Variants in CNTNAP2 observed in about 807,000 individuals in gnomAD.
CNTNAP2 encodes contactin-associated protein-like 2.
In CNTNAP2, 98 loss-of-function variants were observed where a neutral mutation model predicts 155.2. That is an observed-to-expected ratio of 0.63 (90% CI 0.54 to 0.75). CNTNAP2 has a LOEUF of 0.75. Among genes scored for constraint, CNTNAP2 ranks in the 30% least tolerant of loss-of-function variants. CNTNAP2 has a pLI of 0.00. For missense variants in CNTNAP2, 1,727 were observed against 1,688.1 expected, an observed-to-expected ratio of 1.02 and a Z score of -0.40; for synonymous variants, 651 against 631.2, an observed-to-expected ratio of 1.03 and a Z score of -0.47.
chr7:148,218,936 CTTTTTTT>C (rs746349465), intron 19 of CNTNAP2, among the ~76,000 whole-genome samples: 3 of 73,630 alleles, frequency 4.1e-5, no homozygotes, highest in South Asian at 5.2e-4. Flanking sequence ...TAAGATCACT[CTTTTTTT>C]TTTTTTTTTT....
chr7:147,924,427 C>G (rs1482825678), intron 14 of CNTNAP2, among the ~76,000 whole-genome samples: 1 of 152,130 alleles, frequency 6.6e-6, no homozygotes, highest in Non-Finnish European at 1.5e-5. Context: ...GTGTCAGCCA[C>G]CATGCAAGCC....
intron 1 of CNTNAP2, among the ~76,000 whole-genome samples, chr7:146,506,841 A>T (rs1797391686): frequency 6.6e-6 from 1 of 152,212 alleles, no homozygotes; most frequent in Non-Finnish European, 1.5e-5. Flanking sequence ...GGACCATGAC[A>T]GCAGTCCAGG....
chr7:147,141,594 C>T (rs1801599109), intron 8 of CNTNAP2, among the ~76,000 whole-genome samples: 1 of 152,046 alleles, frequency 6.6e-6, no homozygotes, highest in Non-Finnish European at 1.5e-5. Flanking sequence ...CACCAGGGCC[C>T]CTTTCAGCTA....
chr7:147,901,635 C>T (rs1799869808), intron 13 of CNTNAP2, among the ~76,000 whole-genome samples: 1 of 152,174 alleles, frequency 6.6e-6, no homozygotes, highest in South Asian at 2.1e-4. Context: ...TCTCTTATGT[C>T]CTTATTGATC....
At chr7:146,403,132 G>T (rs996810356) in intron 1 of CNTNAP2, among the ~76,000 whole-genome samples, 7 of 151,570 alleles carry the variant, frequency 4.6e-5, no homozygotes, top group Non-Finnish European at 1.0e-4. Flanking sequence ...TTTTGGTAAG[G>T]GTGTGGCTAT....
At chr7:147,331,872 C>T (rs1584879318) in intron 9 of CNTNAP2, among the ~76,000 whole-genome samples, 2 of 152,192 alleles carry the variant, frequency 1.3e-5, no homozygotes, top group Non-Finnish European at 1.5e-5. Context: ...AGTATCCTCA[C>T]TCAGGAGTGA....
At chr7:147,588,749 A>G (rs1800681970) in intron 12 of CNTNAP2, among the ~76,000 whole-genome samples, 1 of 152,190 alleles carries the variant, frequency 6.6e-6, no homozygotes, top group South Asian at 2.1e-4. Context: ...CATTTATAGG[A>G]ATTATGGTAT....
chr7:147,030,871 A>G (rs1799019184), intron 3 of CNTNAP2, among the ~76,000 whole-genome samples: 1 of 152,136 alleles, frequency 6.6e-6, no homozygotes. Flanking sequence ...GCTACAGCGC[A>G]AGACCCTGCC....
At chr7:148,257,302 G>A (rs188932258) in intron 20 of CNTNAP2, among the ~76,000 whole-genome samples, 4 of 152,296 alleles carry the variant, frequency 2.6e-5, no homozygotes, top group Admixed American at 2.0e-4. Flanking sequence ...AAAGGCATCC[G>A]CCGTGAAACA....
At chr7:146,746,611 A>T (rs1368001306) in intron 1 of CNTNAP2, among the ~76,000 whole-genome samples, 1 of 152,146 alleles carries the variant, frequency 6.6e-6, no homozygotes, top group African/African-American at 2.4e-5. Flanking sequence ...TTACCAATCA[A>T]ATATGACAAT....
At position 147,132,461 on chromosome 7, in the gene CNTNAP2, C is replaced by T. The variant is rs1186551916; in HGVS notation, c.1300C>T (p.His434Tyr). 3.1e-6 allele frequency: 5 copies of T among 1,613,532 alleles called. 1 individual carries two copies. Among genetic ancestry groups the T allele is most frequent in the African/African-American group, 1.3e-5 (1 of 74,876 alleles). Residue 434 changes from histidine to tyrosine, a missense_variant, in exon 8 of 24, where the codon CAC becomes TAC. Physicochemically the swap from His to Tyr is moderately conservative, Grantham distance 83 (BLOSUM62 2). Coordinates refer to ENST00000361727, the MANE Select transcript of CNTNAP2 (RefSeq NM_014141.6). ...CCTCACTGAAAGCAAAGTGGGTGTT[C>T]ACATCAACATCACACAGACCAAGAT... Reference protein sequence around the residue: ...IDLTESKVGVHINITQTKMSQ... With the variant: ...IDLTESKVGVYINITQTKMSQ...
At chr7:148,354,810 C>T (rs888057116) in intron 21 of CNTNAP2, among the ~76,000 whole-genome samples, 1 of 152,062 alleles carries the variant, frequency 6.6e-6, no homozygotes, top group African/African-American at 2.4e-5. Flanking sequence ...GCCCACCTGG[C>T]TAGCAAGAAC....
chr7:147,104,640 A>G (rs1404588467), intron 4 of CNTNAP2, among the ~76,000 whole-genome samples: 1 of 151,298 alleles, frequency 6.6e-6, no homozygotes, highest in African/African-American at 2.4e-5. Context: ...ATATTTACAT[A>G]CTTTTTAATT....
chr7:147,591,286 T>C (rs1248628422), intron 12 of CNTNAP2, among the ~76,000 whole-genome samples: 1 of 152,186 alleles, frequency 6.6e-6, no homozygotes, highest in Non-Finnish European at 1.5e-5. Context: ...AAGGTGTCTG[T>C]AGGTTTATTT....
intron 1 of CNTNAP2, among the ~76,000 whole-genome samples, chr7:146,198,692 G>T (rs896108632): frequency 1.3e-5 from 2 of 151,906 alleles, no homozygotes; most frequent in Non-Finnish European, 2.9e-5. Context: ...CTGCAATGTT[G>T]TCAAATTTGA....
At chr7:147,038,604 T>TGTTTGTTTTCTTTTC (rs1799202195) in intron 3 of CNTNAP2, among the ~76,000 whole-genome samples, 1 of 152,176 alleles carries the variant, frequency 6.6e-6, no homozygotes, top group African/African-American at 2.4e-5. Flanking sequence ...CCTGCAGTTT[T>TGTTTGTTTTCTTTTC]GTTTGTTTTC....
chr7:146,809,866 G>C (rs576101891), intron 2 of CNTNAP2, among the ~76,000 whole-genome samples: 2 of 152,080 alleles, frequency 1.3e-5, no homozygotes, highest in African/African-American at 4.8e-5. Flanking sequence ...AGTCCCACTT[G>C]TTTATTTTTG....
chr7:146,891,913 C>T (rs1168403423), intron 3 of CNTNAP2, among the ~76,000 whole-genome samples: 1 of 152,048 alleles, frequency 6.6e-6, no homozygotes, highest in Non-Finnish European at 1.5e-5. Context: ...TTACATGAAC[C>T]TCATACACAT....
intron 8 of CNTNAP2, among the ~76,000 whole-genome samples, chr7:147,276,603 C>T (rs1303962340): frequency 6.6e-6 from 1 of 151,912 alleles, no homozygotes; most frequent in East Asian, 1.9e-4. Context: ...TTAATGCAGA[C>T]ACAATTTCTT....
Sources: allele counts gnomAD v4.1 joint callset (sites outside exome capture counted in the v4.1 genomes callset), GRCh38; gene constraint gnomAD v4.1.1; transcripts MANE v1.5; gene names NCBI Gene and HGNC (gene_info 2026-07-23, HGNC 2026-07-21).